The following B3GALT1 variants were observed in gnomAD, a reference collection of about 807,000 sequenced individuals.
B3GALT1 encodes the protein UDP-Gal:betaGlcNAc beta 1,3-galactosyltransferase, polypeptide 1.
B3GALT1 carries 10 observed loss-of-function variants against 23.2 expected under a neutral mutation model. The ratio of observed to expected loss-of-function variants is 0.43; its 90% CI spans 0.27 to 0.73. The LOEUF (loss-of-function observed/expected upper bound fraction) is 0.73, where lower values mean the gene tolerates loss of function less well. Ranked by LOEUF, B3GALT1 falls within the 30% of genes least tolerant of loss-of-function variation. The pLI is 0.21. For synonymous variants in B3GALT1, 156 were observed against 141.5 expected (o/e 1.10, Z -0.73); for missense variants, 299 against 405.4 (o/e 0.74, Z 2.25).
intron 2 of B3GALT1, among the ~76,000 whole-genome samples, chr2:167,625,480 A>G (rs1273354716): frequency 3.3e-5 from 5 of 151,890 alleles, no homozygotes; most frequent in African/African-American, 9.7e-5. Context: ...TAAGATGATT[A>G]TTTGATTAGT....
At chr2:167,421,096 ATAAT>A (rs1205248632) in intron 1 of B3GALT1, among the ~76,000 whole-genome samples, 2 of 152,228 alleles carry the variant, frequency 1.3e-5, no homozygotes, top group Non-Finnish European at 2.9e-5. Context: ...TCAAAGGAAA[ATAAT>A]TAAAAATCAA....
intron 1 of B3GALT1, among the ~76,000 whole-genome samples, chr2:167,467,147 G>A (rs984048820): frequency 1.3e-5 from 2 of 151,708 alleles, no homozygotes; most frequent in Admixed American, 6.6e-5. Context: ...CAGGGTAGGA[G>A]ACATTCACAT....
intron 1 of B3GALT1, among the ~76,000 whole-genome samples, chr2:167,427,175 C>T (rs947134750): frequency 2.0e-5 from 3 of 152,116 alleles, no homozygotes; most frequent in Non-Finnish European, 4.4e-5. Context: ...TATACAGAAG[C>T]AGCAAGCTTA....
At chr2:167,867,222 G>T (rs191810296) in intron 4 of B3GALT1, among the ~76,000 whole-genome samples, 67 of 152,164 alleles carry the variant, frequency 4.4e-4, no homozygotes, top group African/African-American at 1.6e-3. Flanking sequence ...CACCGCGCCC[G>T]GCCGAGAAGC....
intron 1 of B3GALT1, among the ~76,000 whole-genome samples, chr2:167,417,246 A>G (rs1163371351): frequency 2.0e-5 from 3 of 152,284 alleles, no homozygotes; most frequent in Non-Finnish European, 2.9e-5. Context: ...TTAATCCATT[A>G]TAGGATTAAT....
intron 1 of B3GALT1, among the ~76,000 whole-genome samples, chr2:167,448,241 C>T (rs1007191091): frequency 1.3e-5 from 2 of 152,124 alleles, no homozygotes; most frequent in African/African-American, 4.8e-5. Flanking sequence ...TTCCTACCAG[C>T]AGTGGAAAAG....
intron 3 of B3GALT1, among the ~76,000 whole-genome samples, chr2:167,723,673 G>C (rs982844493): frequency 6.6e-6 from 1 of 151,982 alleles, no homozygotes; most frequent in Non-Finnish European, 1.5e-5. Context: ...TGGGACTACA[G>C]GTGCATGCCA....
chr2:167,570,559 A>C (rs1014107573), intron 2 of B3GALT1, among the ~76,000 whole-genome samples: 4 of 151,962 alleles, frequency 2.6e-5, no homozygotes, highest in African/African-American at 9.7e-5. Context: ...TTATAGTTTT[A>C]ATGTAGTGGA....
At chr2:167,514,083 A>G (rs1700067535) in intron 2 of B3GALT1, among the ~76,000 whole-genome samples, 1 of 151,856 alleles carries the variant, frequency 6.6e-6, no homozygotes, top group Non-Finnish European at 1.5e-5. Context: ...ATTTTTTTGT[A>G]TCTTTAGTAG....
intron 3 of B3GALT1, among the ~76,000 whole-genome samples, chr2:167,653,651 G>C (rs966371323): frequency 1.3e-5 from 2 of 152,144 alleles, no homozygotes; most frequent in Non-Finnish European, 2.9e-5. Context: ...AGATGTTGCA[G>C]GCTCACGCTC....
chr2:167,314,092 GC>G (rs1166616853), intron 1 of B3GALT1, among the ~76,000 whole-genome samples: 7 of 152,126 alleles, frequency 4.6e-5, no homozygotes, highest in Admixed American at 4.6e-4. Flanking sequence ...AATGTGATGT[GC>G]TTTTGAACCG....
rs147062461 is a variant in B3GALT1 at position 167,319,499 on chromosome 2, G to A, written c.-511+26165G>A. ...AATAATAAAATTTCTATAAGCAATG[G>A]CCACTGTAATAAGAGAGAAAATAGA... On this transcript the variant is annotated intron_variant, in intron 1 of 4. Coordinates refer to ENST00000392690, the MANE Select transcript of B3GALT1 (RefSeq NM_020981.4). Among the ~76,000 whole-genome samples the A allele has an allele frequency of 1.2e-4, 19 of 152,044 alleles. No homozygotes were observed. In the East Asian group the frequency reaches 3.5e-3, roughly 28 times the overall value.
At chr2:167,488,343 G>C (rs972801946) in intron 1 of B3GALT1, among the ~76,000 whole-genome samples, 7 of 152,262 alleles carry the variant, frequency 4.6e-5, no homozygotes, top group African/African-American at 1.4e-4. Flanking sequence ...TTAATTGTCT[G>C]TTTTCCCCCA....
chr2:167,408,015 GACACACACAC>G (rs56318085), intron 1 of B3GALT1, among the ~76,000 whole-genome samples: 14,680 of 129,566 alleles, frequency 0.11, 783 homozygotes, highest in Middle Eastern at 0.18. Flanking sequence ...AGCAGGCAAA[GACACACACAC>G]ACACACACAC....
chr2:167,709,856 A>G (rs1280519240), intron 3 of B3GALT1, among the ~76,000 whole-genome samples: 3 of 152,202 alleles, frequency 2.0e-5, no homozygotes, highest in African/African-American at 7.2e-5. Flanking sequence ...AATGAGACAA[A>G]TATTCCTACA....
At chr2:167,507,913 A>C (rs890804296) in intron 2 of B3GALT1, among the ~76,000 whole-genome samples, 1 of 152,102 alleles carries the variant, frequency 6.6e-6, no homozygotes, top group African/African-American at 2.4e-5. Flanking sequence ...TCAACAACTG[A>C]AATTTATTTC....
At chr2:167,559,671 G>T (rs1367666924) in intron 2 of B3GALT1, among the ~76,000 whole-genome samples, 1 of 152,188 alleles carries the variant, frequency 6.6e-6, no homozygotes, top group Non-Finnish European at 1.5e-5. Flanking sequence ...GAAGCCTCAG[G>T]ACCCAGTGCG....
chr2:167,536,444 A>C (rs1380999845), intron 2 of B3GALT1, among the ~76,000 whole-genome samples: 1 of 152,212 alleles, frequency 6.6e-6, no homozygotes, highest in Non-Finnish European at 1.5e-5. Flanking sequence ...TTTATAATGC[A>C]GACTAGGAAA....
chr2:167,392,054 GT>G (rs1698021460), intron 1 of B3GALT1, among the ~76,000 whole-genome samples: 1 of 151,958 alleles, frequency 6.6e-6, no homozygotes, highest in Non-Finnish European at 1.5e-5. Context: ...AGTTCTGGGT[GT>G]GTTTTTCTCA....
Sources: allele counts gnomAD v4.1 joint callset (sites outside exome capture counted in the v4.1 genomes callset), GRCh38; gene constraint gnomAD v4.1.1; transcripts MANE v1.5; gene names NCBI Gene and HGNC (gene_info 2026-07-23, HGNC 2026-07-21).